DRC4: variants seen among roughly 807,000 people sequenced by gnomAD.
The protein encoded by DRC4 is GAS-11.
the DRC4 span, chr16:90,040,048 G>T: frequency 3.7e-6 from 2 of 536,222 alleles, no homozygotes; most frequent in Admixed American, 6.3e-5. Flanking sequence ...GACACTTATG[G>T]CTTCCAGAGA....
the DRC4 span, among the ~76,000 whole-genome samples, chr16:90,040,974 G>T: frequency 6.6e-6 from 1 of 152,150 alleles, no homozygotes; most frequent in African/African-American, 2.4e-5. Flanking sequence ...GCCTCACCTG[G>T]GCCAGAGGCA....
chr16:90,034,334 T>C, the DRC4 span, among the ~76,000 whole-genome samples: 2 of 152,166 alleles, frequency 1.3e-5, no homozygotes, highest in Admixed American at 6.5e-5. Flanking sequence ...GGTAAAAATA[T>C]GGCTTTAGGC....
chr16:90,029,129 C>T, the DRC4 span: 2 of 1,313,228 alleles, frequency 1.5e-6, no homozygotes, highest in Admixed American at 4.6e-5. Context: ...GGGGCAGTGG[C>T]CATGGAGCCT....
the DRC4 span, chr16:90,027,537 T>C: frequency 8.2e-6 from 10 of 1,220,000 alleles, no homozygotes; most frequent in Non-Finnish European, 1.1e-5. Context: ...GGAGAGAGGT[T>C]CCAGAACCTT....
At chr16:90,031,777 C>T in the DRC4 span, among the ~76,000 whole-genome samples, 29 of 152,190 alleles carry the variant, frequency 1.9e-4, no homozygotes, top group African/African-American at 6.8e-4. Context: ...TGCACCTCAC[C>T]TCCCAGCCTT....
At chr16:90,043,348 GC>G in the DRC4 span, 3 of 1,603,426 alleles carry the variant, frequency 1.9e-6, no homozygotes, top group Non-Finnish European at 1.7e-6. Context: ...CGACGTAGCT[GC>G]CCCCCTGGGG....
At chr16:90,040,572 G>A in the DRC4 span, 1 of 1,396,146 alleles carries the variant, frequency 7.2e-7, no homozygotes, top group Non-Finnish European at 9.7e-7. Context: ...AGAGTCTTCA[G>A]TTCTGTGCTG....
chr16:90,036,166 G>A, the DRC4 span: 7 of 590,606 alleles, frequency 1.2e-5, no homozygotes, highest in Middle Eastern at 4.5e-4. Context: ...GCCTGTCACT[G>A]GCAAAGGCAG....
chr16:90,042,060 C>G, the DRC4 span, among the ~76,000 whole-genome samples: 2 of 152,032 alleles, frequency 1.3e-5, no homozygotes, highest in Non-Finnish European at 2.9e-5. Flanking sequence ...GCCTCAGCCT[C>G]CTGAGTAGCT....
At chr16:90,044,956 C>G in the DRC4 span, 1 of 186,680 alleles carries the variant, frequency 5.4e-6, no homozygotes, top group South Asian at 1.0e-4. Flanking sequence ...GTGGATTATA[C>G]TATTTGTATT....
the DRC4 span, among the ~76,000 whole-genome samples, chr16:90,041,796 C>G: frequency 6.6e-6 from 1 of 151,674 alleles, no homozygotes; most frequent in Admixed American, 6.6e-5. Flanking sequence ...GAGACTCCAT[C>G]TCAGAAAAAA....
chr16:90,031,301 G>A, the DRC4 span: 2 of 1,612,168 alleles, frequency 1.2e-6, no homozygotes, highest in Non-Finnish European at 8.5e-7. Flanking sequence ...CTGGCCAGGT[G>A]GAGGAGCATG....
chr16:90,039,519 G>C, the DRC4 span, among the ~76,000 whole-genome samples: 1 of 151,976 alleles, frequency 6.6e-6, no homozygotes, highest in South Asian at 2.1e-4. Context: ...CCGAGTAGCT[G>C]GGATTACAGG....
chr16:90,035,598 C>T, the DRC4 span: 134 of 1,613,966 alleles, frequency 8.3e-5, no homozygotes, highest in East Asian at 1.8e-4. Flanking sequence ...CCTCTGTGTC[C>T]GGCTGTGTAG....
chr16:90,040,053 C>T, the DRC4 span: 16 of 546,310 alleles, frequency 2.9e-5, no homozygotes, highest in Non-Finnish European at 5.0e-5. Flanking sequence ...TTATGGCTTC[C>T]AGAGACACCT....
At chr16:90,027,507 G>A in the DRC4 span, 1 of 827,552 alleles carries the variant, frequency 1.2e-6, no homozygotes, top group African/African-American at 1.7e-5. Context: ...GGGCAATGAT[G>A]TGCTCCAGGT....
the DRC4 span, chr16:90,032,662 G>A: frequency 2.6e-5 from 40 of 1,551,788 alleles, no homozygotes; most frequent in Admixed American, 2.8e-4. Flanking sequence ...GCACAGGTAC[G>A]GAAAGGTGAG....
chr16:90,041,592 T>A, the DRC4 span, among the ~76,000 whole-genome samples: 6 of 152,050 alleles, frequency 3.9e-5, no homozygotes, highest in Non-Finnish European at 7.4e-5. Context: ...GATCACGAGT[T>A]TGGGAGTTCA....
At chr16:90,028,692 A>T in the DRC4 span, among the ~76,000 whole-genome samples, 10 of 152,192 alleles carry the variant, frequency 6.6e-5, no homozygotes, top group African/African-American at 2.4e-4. Flanking sequence ...GCTCCTGGAG[A>T]CGGCAGTGTG....
Sources: allele counts gnomAD v4.1 joint callset (sites outside exome capture counted in the v4.1 genomes callset), GRCh38; gene constraint gnomAD v4.1.1; transcripts MANE v1.5; gene names NCBI Gene and HGNC (gene_info 2026-07-23, HGNC 2026-07-21).